Variants in HOXC4 observed in about 807,000 individuals in gnomAD.
HOXC4 encodes homeobox C4.
A neutral mutation model predicts 25.5 loss-of-function variants in HOXC4; 15 were observed. The observed-to-expected ratio is 0.59, with a 90% CI of 0.39 to 0.91. HOXC4 has a LOEUF of 0.91. HOXC4 is among the 40% of genes least tolerant of loss of function. The pLI is 0.00. For synonymous variants in HOXC4, 165 were observed against 148.0 expected (o/e 1.11, Z -0.83); for missense variants, 342 against 352.4 (o/e 0.97, Z 0.24).
At chr12:54,026,257 A>C (rs781196636) in intron 1 of HOXC4, among the ~76,000 whole-genome samples, 7 of 152,098 alleles carry the variant, frequency 4.6e-5, no homozygotes, top group Non-Finnish European at 5.9e-5. Flanking sequence ...TCCCTAGCTC[A>C]GTCCCCAGAG....
rs1347560532 is a variant in HOXC4, at chr12:54,040,639, TGTTGTA to T, written c.-123-12513_-123-12508del. 3.3e-5 allele frequency among the ~76,000 whole-genome samples: 5 copies of T among 152,342 alleles called. No individual in the cohort carries two copies. In the East Asian group the frequency reaches 9.6e-4, roughly 29 times the overall value. On this transcript the variant is annotated intron_variant, in intron 1 of 3. Coordinates refer to the HOXC4 transcript ENST00000303406. ...GCGTGATTCTACCCAATTTTCTGGG[TGTTGTA>T]GTTGTAGACTCTAAATTAGACTATA...
chr12:54,017,627 A>G lies in HOXC4; in HGVS notation c.-124+213A>G, dbSNP rs926280509. ...GTAGTGGGGCGATTGTGTTGTCCTG[A>G]TGTCACTGTGTGCCAAGTTGGGGGT... On this transcript the variant is annotated intron_variant, in intron 1 of 3. Coordinates refer to the HOXC4 transcript ENST00000303406. Among the ~76,000 whole-genome samples, 3 of 151,484 alleles carry G rather than the reference A, an allele frequency of 2.0e-5. No individual in the cohort carries two copies. In the East Asian group the frequency reaches 5.8e-4, roughly 30 times the overall value.
intron 1 of HOXC4, among the ~76,000 whole-genome samples, chr12:54,025,539 AGG>A (rs1940659366): frequency 1.7e-4 from 4 of 23,706 alleles, no homozygotes; most frequent in African/African-American, 7.1e-4. Flanking sequence ...GGGGGGGGGG[AGG>A]TGTTGAAAAT....
At chr12:54,034,222 G>T in intron 1 of HOXC4, 1 of 1,500,160 alleles carries the variant, frequency 6.7e-7, no homozygotes, top group South Asian at 1.1e-5. Flanking sequence ...GTGGGGACGG[G>T]GGAACGCTGC....
intron 1 of HOXC4, 35 bp downstream of exon 1, chr12:54,054,396 C>G (rs368014111): frequency 7.0e-7 from 1 of 1,418,464 alleles, no homozygotes. Context: ...CCCCCTCCCT[C>G]CCTTCTTCCC....
At chr12:54,031,524 G>C (rs892420356) in intron 1 of HOXC4, among the ~76,000 whole-genome samples, 7 of 152,214 alleles carry the variant, frequency 4.6e-5, no homozygotes, top group African/African-American at 1.7e-4. Context: ...GAAGAGGCGG[G>C]TGAGGAGCGC....
At chr12:54,024,689 G>A (rs1039426967) in intron 1 of HOXC4, among the ~76,000 whole-genome samples, 5 of 151,350 alleles carry the variant, frequency 3.3e-5, no homozygotes, top group African/African-American at 7.3e-5. Flanking sequence ...CCAGTTCAGA[G>A]CTCACATGCC....
chr12:54,044,678 GT>G (rs1042386828), intron 1 of HOXC4, among the ~76,000 whole-genome samples: 5 of 151,950 alleles, frequency 3.3e-5, no homozygotes, highest in Admixed American at 6.5e-5. Flanking sequence ...CTGTCACTGG[GT>G]TTTTTTGTAA....
intron 1 of HOXC4, among the ~76,000 whole-genome samples, chr12:54,039,759 C>CT (rs1941240649): frequency 6.6e-6 from 1 of 152,012 alleles, no homozygotes. Context: ...CCCCAGGGCT[C>CT]TAGGGAGCGA....
At chr12:54,049,438 C>T (rs1937794221), upstream of HOXC4, among the ~76,000 whole-genome samples, 2 of 151,902 alleles carry the variant, frequency 1.3e-5, no homozygotes, top group Admixed American at 6.6e-5. Context: ...GAAGGCAAGG[C>T]AAGGCAAGAG....
intron 1 of HOXC4, among the ~76,000 whole-genome samples, chr12:54,031,505 C>G (rs1940986123): frequency 6.6e-6 from 1 of 152,226 alleles, no homozygotes; most frequent in Non-Finnish European, 1.5e-5. Context: ...TTTCTCTCCT[C>G]AAACGGGTGA....
At chr12:54,033,755 T>C (rs1275757453) in intron 1 of HOXC4, among the ~76,000 whole-genome samples, 1 of 152,074 alleles carries the variant, frequency 6.6e-6, no homozygotes, top group Non-Finnish European at 1.5e-5. Flanking sequence ...GACGACATAA[T>C]TGGATCATAG....
upstream of HOXC4, among the ~76,000 whole-genome samples, chr12:54,053,716 G>GCAC (rs1158625446): frequency 7.0e-6 from 1 of 143,844 alleles, no homozygotes; most frequent in Non-Finnish European, 1.5e-5. Flanking sequence ...CCGCCTCCCA[G>GCAC]CACCACCACC....
chr12:54,031,456 CCTT>C (rs1180104618), intron 1 of HOXC4, among the ~76,000 whole-genome samples: 2 of 152,202 alleles, frequency 1.3e-5, no homozygotes, highest in African/African-American at 4.8e-5. Flanking sequence ...GGACAAAATT[CCTT>C]CTTCATTACA....
intron 1 of HOXC4, among the ~76,000 whole-genome samples, chr12:54,028,203 C>G (rs548736966): frequency 1.5e-4 from 23 of 151,966 alleles, no homozygotes; most frequent in Non-Finnish European, 2.9e-4. Flanking sequence ...AGGCCCTGCT[C>G]AGGGACATGC....
intron 1 of HOXC4, among the ~76,000 whole-genome samples, chr12:54,046,882 G>T (rs1479005563): frequency 6.6e-6 from 1 of 152,130 alleles, no homozygotes; most frequent in Non-Finnish European, 1.5e-5. Context: ...GGAGGTGCGC[G>T]CAGCCACCCC....
At chr12:54,034,531 G>A (rs1486767767) in intron 1 of HOXC4, 6 of 1,542,362 alleles carry the variant, frequency 3.9e-6, no homozygotes, top group African/African-American at 1.4e-5. Flanking sequence ...CCCCTAGCCG[G>A]TTCCTGTCCC....
intron 1 of HOXC4, chr12:54,033,320 C>A (rs751432903): frequency 3.1e-6 from 5 of 1,613,914 alleles, no homozygotes; most frequent in South Asian, 1.1e-5. Context: ...TGGCTGCCAA[C>A]CCCCGGGCTC....
At chr12:54,047,140 C>G (rs1017277615) in intron 1 of HOXC4, among the ~76,000 whole-genome samples, 2 of 152,244 alleles carry the variant, frequency 1.3e-5, no homozygotes, top group African/African-American at 4.8e-5. Flanking sequence ...AGCCTGGAGC[C>G]AGGCGTCGCG....
Sources: allele counts gnomAD v4.1 joint callset (sites outside exome capture counted in the v4.1 genomes callset), GRCh38; gene constraint gnomAD v4.1.1; transcripts MANE v1.5; gene names NCBI Gene and HGNC (gene_info 2026-07-23, HGNC 2026-07-21).